Variants in ERCC6L2 observed in about 807,000 individuals in gnomAD.
ERCC6L2 encodes ERCC excision repair 6 like 2, also known as DNA excision repair protein ERCC-6-like 2.
A neutral mutation model predicts 132.0 loss-of-function variants in ERCC6L2; 77 were observed. The observed-to-expected ratio is 0.58, with a 90% CI of 0.49 to 0.71. The LOEUF (loss-of-function observed/expected upper bound fraction) is 0.71. Among genes scored for constraint, ERCC6L2 ranks in the 30% least tolerant of loss-of-function variants. ERCC6L2 has a pLI of 0.00. For missense variants in ERCC6L2, 1,542 were observed against 1,837.6 expected (o/e 0.84, Z 2.94); for synonymous variants, 583 against 632.4 (o/e 0.92, Z 1.17).
rs191146717 is a variant in ERCC6L2, at chr9:96,017,769, A to T, written c.*4566A>T. Among the ~76,000 whole-genome samples, 1 of 152,210 alleles carries T rather than the reference A, an allele frequency of 6.6e-6. No individual in the cohort carries two copies. Among genetic ancestry groups the T allele is most frequent in the Non-Finnish European group, 1.5e-5 (1 of 68,042 alleles). On this transcript the variant is annotated 3_prime_UTR_variant, in exon 19 of 19. Transcript: ENST00000653738. Reference sequence around the variant, plus strand: ...ACTGTGTGCTTTTTGTTGTTGTTACATTCCTATAAAAATGTCCACGCATAT... The same window carrying T: ...ACTGTGTGCTTTTTGTTGTTGTTACTTTCCTATAAAAATGTCCACGCATAT...
intron 12 of ERCC6L2, among the ~76,000 whole-genome samples, chr9:95,943,728 AGTG>A (rs1263363481): frequency 6.6e-6 from 1 of 152,226 alleles, no homozygotes; most frequent in African/African-American, 2.4e-5. Context: ...AAGATATATA[AGTG>A]GCCATTAAGC....
chr9:95,922,861 T>C (rs1829936087), intron 8 of ERCC6L2, among the ~76,000 whole-genome samples: 2 of 152,288 alleles, frequency 1.3e-5, no homozygotes, highest in East Asian at 1.9e-4. Context: ...CCTTTTATTC[T>C]AGAGCACACA....
At chr9:95,975,841 AT>A (rs1832646751) in intron 16 of ERCC6L2, among the ~76,000 whole-genome samples, 1 of 151,718 alleles carries the variant, frequency 6.6e-6, no homozygotes, top group Non-Finnish European at 1.5e-5. Flanking sequence ...ATTCCCACTT[AT>A]GTTCCTTCTA....
chr9:95,919,293 T>C (rs1459590758), intron 6 of ERCC6L2, among the ~76,000 whole-genome samples: 1 of 152,248 alleles, frequency 6.6e-6, no homozygotes, highest in Non-Finnish European at 1.5e-5. Context: ...AATAATCTGA[T>C]GTAGTGATAT....
chr9:96,021,414 G>A (rs1352620555), downstream of ERCC6L2: 1 of 250,884 alleles, frequency 4.0e-6, no homozygotes, highest in Non-Finnish European at 7.8e-6. This position sits in a 1 kb window ranked among gnomAD's most constrained non-coding sequence, Gnocchi z 4.7. Flanking sequence ...GGCGGTCCTG[G>A]GGGCTGCTTC....
chr9:95,878,296 C>G (rs1287283798), intron 1 of ERCC6L2, among the ~76,000 whole-genome samples: 2 of 152,158 alleles, frequency 1.3e-5, no homozygotes, highest in African/African-American at 4.8e-5. Context: ...TAGCTAATAA[C>G]TGACTCTAGA....
Position 95,972,603 on chromosome 9 carries a change from A to G in ERCC6L2, c.2852A>G (p.Lys951Arg), listed in dbSNP as rs1832469327. Residue 951 changes from lysine (K) to arginine (R), a missense_variant, in exon 16 of 19, where the codon AAA (lysine) becomes AGA (arginine). By Grantham distance (26) the Lys-to-Arg change is conservative. Coordinates refer to ENST00000653738, the MANE Select transcript of ERCC6L2 (RefSeq NM_020207.7). ...NNDNSRNTDD[K>R]RNGIISKKLS... ...GATAATAGTCGAAACACTGATGACA[A>G]AAGAAATGGAATAATTTCAAAAAAG... 3 of 1,289,640 alleles carry G rather than the reference A, an allele frequency of 2.3e-6. No homozygotes were observed. Among genetic ancestry groups the G allele is most frequent in the Non-Finnish European group, 3.0e-6 (3 of 988,616 alleles). The allele number at this position is 1,289,640 out of a possible 1,614,324, so 79.9% of individuals were successfully genotyped here.
chr9:95,881,886 A>G (rs1827616561), intron 2 of ERCC6L2, among the ~76,000 whole-genome samples: 1 of 152,244 alleles, frequency 6.6e-6, no homozygotes, highest in African/African-American at 2.4e-5. Flanking sequence ...AGCAGCTTAA[A>G]ACAATATTCA....
intron 3 of ERCC6L2, among the ~76,000 whole-genome samples, chr9:95,905,574 G>T (rs948447746): frequency 5.3e-5 from 8 of 152,034 alleles, no homozygotes; most frequent in Non-Finnish European, 1.5e-5. Context: ...AGTAATTGGA[G>T]GCCTAATTTC....
At chr9:95,907,337 AGT>A in intron 4 of ERCC6L2, 66 bp downstream of exon 4, 14 of 558,494 alleles carry the variant, frequency 2.5e-5, no homozygotes, top group South Asian at 8.6e-5. Context: ...TTATATTAAG[AGT>A]TTTTTTTTTT....
chr9:95,891,843 C>A (rs1828184340), intron 2 of ERCC6L2, among the ~76,000 whole-genome samples: 2 of 151,896 alleles, frequency 1.3e-5, no homozygotes, highest in South Asian at 4.1e-4. Context: ...CTTTGTAGAT[C>A]TTTAGAGAAA....
intron 9 of ERCC6L2, among the ~76,000 whole-genome samples, chr9:95,926,174 T>A (rs539388000): frequency 5.9e-5 from 9 of 152,310 alleles, no homozygotes; most frequent in Admixed American, 4.6e-4. Flanking sequence ...TGGAAGACAG[T>A]TCAGTGGTTT....
chr9:95,897,738 A>G (rs1171601964), intron 2 of ERCC6L2, 111 bp from the exon 3 acceptor site: 2 of 1,108,986 alleles, frequency 1.8e-6, no homozygotes, highest in South Asian at 1.5e-5. Context: ...ATTTCCCCCA[A>G]CAAATCTCTT....
At chr9:95,931,948 C>G (rs1205273892) in intron 11 of ERCC6L2, among the ~76,000 whole-genome samples, 2 of 151,748 alleles carry the variant, frequency 1.3e-5, no homozygotes, top group African/African-American at 4.8e-5. Flanking sequence ...GCCAGGTCAT[C>G]AGACTTTCAA....
chr9:96,029,695 C>T (rs1834429782), intron 19 of ERCC6L2, among the ~76,000 whole-genome samples: 1 of 152,220 alleles, frequency 6.6e-6, no homozygotes, highest in East Asian at 1.9e-4. Flanking sequence ...GTTTGGTTCT[C>T]ATATTTATCT....
chr9:95,972,004 T>C lies in ERCC6L2; in HGVS notation c.2253T>C (p.Cys751=). The C allele has an allele frequency of 6.9e-6, 9 of 1,304,154 alleles. No individual in the cohort carries two copies. The highest frequency in any genetic ancestry group is 9.1e-6 in the Non-Finnish European group (9 of 988,914). The allele number at this position is 1,304,154 out of a possible 1,614,324, so 80.8% of individuals were successfully genotyped here. A position where few individuals can be genotyped will look rare whatever the true frequency, so the allele number is the denominator to read the frequency against. Residue 751 remains cysteine, a synonymous_variant, in exon 16 of 19, where the codon TGT becomes TGC. Coordinates refer to ENST00000653738, the MANE Select transcript of ERCC6L2 (RefSeq NM_020207.7). The part of the protein sequence containing the change: ...QAAEPLAKEA[C]DLCSDFSDEE... ...CAGAGCCACTGGCAAAGGAAGCATG[T>C]GATCTCTGCAGTGACTTCAGTGATG...
intron 12 of ERCC6L2, among the ~76,000 whole-genome samples, chr9:95,945,918 G>C (rs1271411862): frequency 6.6e-6 from 1 of 152,058 alleles, no homozygotes; most frequent in Non-Finnish European, 1.5e-5. Context: ...GAAAAGTGGG[G>C]CTGGCAGAAA....
chr9:96,039,017 A>T, exon 20 of ERCC6L2: 1 of 439,418 alleles, frequency 2.3e-6, no homozygotes, highest in South Asian at 1.6e-5. Flanking sequence ...CACCTTGGAG[A>T]CAGCTCCCCC....
rs760353466 is a variant in ERCC6L2, at chr9:95,928,805, C to G, written c.1692C>G (p.Leu564=). The change falls in exon 11 of 19, where the codon CTC becomes CTG. Residue 564 remains leucine (L), a synonymous_variant. Transcript: ENST00000653738. The stretch of plus-strand genomic sequence containing the variant: ...GAAGTACAAAATCAGAGGAAAGACT[C>G]AAGATTGTAAAAGAGTTCAACAGTA... ...LDGSTKSEER[L]KIVKEFNSTQ... is the part of the protein sequence containing the mutation. The G allele has an allele frequency of 5.0e-6, 8 of 1,612,802 alleles. No homozygotes were observed. In the South Asian group the frequency reaches 8.8e-5, roughly 18 times the overall value.
Sources: allele counts gnomAD v4.1 joint callset (sites outside exome capture counted in the v4.1 genomes callset), GRCh38; gene constraint gnomAD v4.1.1; non-coding constraint Gnocchi (gnomAD v3.1); transcripts MANE v1.5; gene names NCBI Gene and HGNC (gene_info 2026-07-23, HGNC 2026-07-21).